OXSR1: variants seen among roughly 807,000 people sequenced by gnomAD.
The protein encoded by OXSR1 is serine/threonine-protein kinase OSR1.
In OXSR1, 24 loss-of-function variants were observed where a neutral mutation model predicts 79.8. The ratio of observed to expected loss-of-function variants is 0.30; its 90% CI spans 0.22 to 0.42. OXSR1 has a LOEUF of 0.42. OXSR1 is among the 10% of genes least tolerant of loss of function. The probability of loss-of-function intolerance (pLI) is 1.00; values close to 1 mark genes in which losing one functional copy is unlikely to be tolerated. For synonymous variants in OXSR1, 226 were observed against 209.2 expected, an observed-to-expected ratio of 1.08 and a Z score of -0.69; for missense variants, 430 against 618.4, an observed-to-expected ratio of 0.70 and a Z score of 3.23.
rs918948923 is a variant in OXSR1 at position 38,190,526 on chromosome 3, G to A, written c.184-205G>A. Among the ~76,000 whole-genome samples the A allele has an allele frequency of 3.9e-5, 6 of 152,258 alleles. No individual in the cohort carries two copies. In the East Asian group the frequency reaches 1.2e-3, roughly 29 times the overall value. On this transcript the variant is annotated intron_variant, in intron 2 of 17. Transcript: ENST00000311806. ...GCTTCTAGTTTGAAAGATTACTAGT[G>A]TAATGAGTGAAGGAAATTGAGTCAG...
chr3:38,233,189 T>G (rs1157976883), intron 10 of OXSR1, among the ~76,000 whole-genome samples: 1 of 152,208 alleles, frequency 6.6e-6, no homozygotes, highest in East Asian at 1.9e-4. Context: ...AATAACTTAC[T>G]GAAAAGGGCA....
chr3:38,188,745 A>G (rs1018087895), intron 2 of OXSR1, among the ~76,000 whole-genome samples: 3 of 152,148 alleles, frequency 2.0e-5, no homozygotes, highest in African/African-American at 7.2e-5. Context: ...TTAAAAACCT[A>G]CTTACCTTTC....
At chr3:38,235,683 A>G (rs1459496740) in intron 10 of OXSR1, among the ~76,000 whole-genome samples, 1 of 152,234 alleles carries the variant, frequency 6.6e-6, no homozygotes, top group African/African-American at 2.4e-5. Flanking sequence ...CAGGATCAGG[A>G]GTCATGATGA....
chr3:38,241,095 G>GA (rs1484334225), intron 11 of OXSR1, among the ~76,000 whole-genome samples: 1 of 151,970 alleles, frequency 6.6e-6, no homozygotes, highest in East Asian at 1.9e-4. Flanking sequence ...CACCACAAGG[G>GA]AAAAAAATAA....
intron 2 of OXSR1, among the ~76,000 whole-genome samples, chr3:38,185,946 C>CAAAA (rs71085304): frequency 1.3e-3 from 41 of 32,114 alleles, no homozygotes; most frequent in African/African-American, 2.2e-3. Context: ...GGCCCTGTCT[C>CAAAA]AAAAAAAAAA....
upstream of OXSR1, chr3:38,165,527 G>A (rs567916672): frequency 2.5e-5 from 7 of 275,110 alleles, no homozygotes; most frequent in Admixed American, 2.8e-4. Context: ...GGAGGAAGAG[G>A]GGAAAGTTTG....
chr3:38,183,122 A>C lies in OXSR1; in HGVS notation c.183+7A>C. On this transcript the variant is annotated splice_region_variant and intron_variant, in intron 2 of 17. Transcript: ENST00000311806. ...TAGCATGGATGAACTCCTGGTATGC[A>C]CATCTTATACTTCTGAAATGGAGAG... 7.0e-7 allele frequency: 1 copy of C among 1,425,848 alleles called. No individual in the cohort carries two copies. Among genetic ancestry groups the C allele is most frequent in the Non-Finnish European group, 9.9e-7 (1 of 1,012,536 alleles). 88.3% of individuals were successfully genotyped at this position (1,425,848 alleles called of 1,614,324 possible).
intron 5 of OXSR1, among the ~76,000 whole-genome samples, chr3:38,217,496 A>G (rs1185613002): frequency 6.6e-6 from 1 of 152,140 alleles, no homozygotes; most frequent in Non-Finnish European, 1.5e-5. Context: ...GTGGTTAATT[A>G]TATACTGGAA....
Position 38,240,501 on chromosome 3 carries a change from A to G in OXSR1, c.1075-2242A>G, listed in dbSNP as rs531746438. 2.1e-3 allele frequency among the ~76,000 whole-genome samples: 323 copies of G among 152,220 alleles called. 1 individual carries two copies. Among genetic ancestry groups the G allele is most frequent in the African/African-American group, 7.0e-3 (291 of 41,552 alleles). On this transcript the variant is annotated intron_variant, in intron 11 of 17. Transcript: ENST00000311806. ...GTGTCTGTACTTGCATATATTTCTC[A>G]GCTTTGTCCACTGAATGGCCTGAAA...
intron 4 of OXSR1, among the ~76,000 whole-genome samples, chr3:38,211,487 G>A (rs1367934496): frequency 6.6e-6 from 1 of 152,044 alleles, no homozygotes; most frequent in Admixed American, 6.5e-5. Context: ...TTTAAAGATA[G>A]ATCTTATTTG....
chr3:38,246,252 T>A (rs769633280), intron 13 of OXSR1, 31 bp downstream of exon 13: 1 of 1,609,060 alleles, frequency 6.2e-7, no homozygotes, highest in Admixed American at 1.7e-5. Context: ...TCATGGTCAC[T>A]CCTTTGGATA....
intron 8 of OXSR1, 50 bp from the exon 9 acceptor site, chr3:38,229,637 A>C: frequency 6.7e-7 from 1 of 1,485,348 alleles, no homozygotes; most frequent in Non-Finnish European, 9.3e-7. Context: ...ATCTGACATT[A>C]CACTTGAATT....
chr3:38,184,859 A>T (rs1701849936), intron 2 of OXSR1, among the ~76,000 whole-genome samples: 1 of 128,114 alleles, frequency 7.8e-6, no homozygotes, highest in East Asian at 2.5e-4. Context: ...GTATAGTACT[A>T]ACAAAATGAT....
At chr3:38,182,620 T>C (rs1431441680) in intron 1 of OXSR1, among the ~76,000 whole-genome samples, 2 of 152,228 alleles carry the variant, frequency 1.3e-5, no homozygotes, top group Non-Finnish European at 2.9e-5. Context: ...TGGTGTTTTC[T>C]TGAAGTCTTG....
rs1701853877 is a variant in OXSR1, at chr3:38,184,929, TTTTTTTTTTTTTTTTTTTTTTTGGG to T, written c.183+1818_183+1842del. ...TTTTTTTTTTTTTTTTTTTTTTTTTTTTTTTTTTTTTTTTTTTTTTTTGGGTTTCTTTGAGATGGAGTCTCGCTCT... is the reference window on the plus strand; with the variant it reads ...TTTTTTTTTTTTTTTTTTTTTTTTTTTTTCTTTGAGATGGAGTCTCGCTCT... On this transcript the variant is annotated intron_variant, in intron 2 of 17. Transcript: ENST00000311806. 5.4e-5 allele frequency among the ~76,000 whole-genome samples: 5 copies of T among 93,092 alleles called. No individual in the cohort carries two copies. The East Asian group carries it at 1.4e-3, about 26-fold the overall frequency. 61.1% of individuals were successfully genotyped at this position (93,092 alleles called of 152,430 possible). A position where few individuals can be genotyped will look rare whatever the true frequency, so the allele number is the denominator to read the frequency against.
Position 38,253,276 on chromosome 3 carries a change from C to A in OXSR1, c.*385C>A, listed in dbSNP as rs549303481. Reference sequence around the variant, plus strand: ...TCCTCATCCTGCCTGTTCCCCCACACCTGCCAGGATATGGACATCTTGGGA... The same window carrying A: ...TCCTCATCCTGCCTGTTCCCCCACAACTGCCAGGATATGGACATCTTGGGA... On this transcript the variant is annotated 3_prime_UTR_variant, in exon 18 of 18. Coordinates refer to ENST00000311806, the MANE Select transcript of OXSR1 (RefSeq NM_005109.3). 3.1e-4 allele frequency: 62 copies of A among 197,490 alleles called. No individual in the cohort carries two copies. The South Asian group carries it at 5.3e-3, about 17-fold the overall frequency. 12.2% of individuals were successfully genotyped at this position (197,490 alleles called of 1,614,324 possible). A position where few individuals can be genotyped will look rare whatever the true frequency, so the allele number is the denominator to read the frequency against.
intron 6 of OXSR1, 142 bp from the exon 7 acceptor site, chr3:38,223,670 G>T: frequency 2.0e-6 from 1 of 489,652 alleles, no homozygotes; most frequent in South Asian, 3.4e-5. Context: ...GGCCGGTCTT[G>T]AACTCCCAAC....
intron 12 of OXSR1, among the ~76,000 whole-genome samples, chr3:38,245,865 TA>T (rs1703130864): frequency 1.3e-5 from 2 of 152,186 alleles, no homozygotes; most frequent in African/African-American, 4.8e-5. Context: ...TAGAGAAATA[TA>T]AATTATACCT....
intron 2 of OXSR1, among the ~76,000 whole-genome samples, chr3:38,189,736 G>C (rs536653123): frequency 1.3e-5 from 2 of 152,284 alleles, no homozygotes; most frequent in East Asian, 3.9e-4. Context: ...TATGTGCTAA[G>C]AACAGTTTTA....
Sources: gnomAD v4.1 joint callset for allele counts (sites outside exome capture counted in the v4.1 genomes callset) on GRCh38, gnomAD v4.1.1 for gene constraint, MANE v1.5 for transcripts, NCBI Gene and HGNC (gene_info 2026-07-23, HGNC 2026-07-21) for gene names.